Variants in MCTP1 observed in about 807,000 individuals in gnomAD.
MCTP1 encodes the protein multiple C2 and transmembrane domain containing 1, also known as multiple C2 and transmembrane domain-containing protein 1.
In MCTP1, 69 loss-of-function variants were observed where a neutral mutation model predicts 120.6. The ratio of observed to expected loss-of-function variants is 0.57; its 90% CI spans 0.47 to 0.70. MCTP1 has a LOEUF of 0.70. Among genes scored for constraint, MCTP1 ranks in the 30% least tolerant of loss-of-function variants. MCTP1 has a pLI of 0.00. For missense variants in MCTP1, 1,203 were observed against 1,248.8 expected (o/e 0.96, Z 0.55); for synonymous variants, 529 against 493.1 (o/e 1.07, Z -0.96).
intron 17 of MCTP1, among the ~76,000 whole-genome samples, chr5:94,829,412 C>T (rs1788016568): frequency 1.3e-5 from 2 of 152,176 alleles, no homozygotes; most frequent in South Asian, 2.1e-4. Context: ...TGTTCCTATT[C>T]GGCCATCTTG....
intron 19 of MCTP1, among the ~76,000 whole-genome samples, chr5:94,757,013 T>G (rs771764436): frequency 6.6e-5 from 10 of 152,210 alleles, no homozygotes; most frequent in Non-Finnish European, 1.5e-4. Flanking sequence ...AGAACTCGCT[T>G]CTAATTTCGG....
intron 1 of MCTP1, among the ~76,000 whole-genome samples, chr5:95,242,597 T>C (rs1244381853): frequency 1.3e-5 from 2 of 152,156 alleles, no homozygotes; most frequent in African/African-American, 4.8e-5. Context: ...CATGAATAAA[T>C]CTTAAAATTA....
chr5:95,131,812 T>A (rs996840685), intron 1 of MCTP1, among the ~76,000 whole-genome samples: 3 of 152,144 alleles, frequency 2.0e-5, no homozygotes, highest in African/African-American at 7.2e-5. Flanking sequence ...AATGAATAAA[T>A]ATATCTCATT....
chr5:94,987,004 A>G (rs1361041637), intron 2 of MCTP1, among the ~76,000 whole-genome samples: 1 of 152,154 alleles, frequency 6.6e-6, no homozygotes, highest in East Asian at 1.9e-4. Flanking sequence ...TAGATTACTT[A>G]CAATGCCAAA....
chr5:94,716,356 G>A (rs1759326375), intron 19 of MCTP1, among the ~76,000 whole-genome samples: 1 of 151,362 alleles, frequency 6.6e-6, no homozygotes, highest in South Asian at 2.1e-4. Context: ...TGTCATGACA[G>A]ACGTTGGTGC....
chr5:95,141,067 AG>A (rs1759893268), intron 1 of MCTP1, among the ~76,000 whole-genome samples: 1 of 152,026 alleles, frequency 6.6e-6, no homozygotes, highest in South Asian at 2.1e-4. Flanking sequence ...ACGGTAGAGG[AG>A]TTTACCTATG....
intron 10 of MCTP1, among the ~76,000 whole-genome samples, chr5:94,906,885 T>C (rs1369872756): frequency 6.6e-6 from 1 of 152,194 alleles, no homozygotes; most frequent in East Asian, 1.9e-4. Context: ...GAATAGTCTC[T>C]ACTTTCAAAA....
At chr5:94,773,050 A>G (rs1256688358) in intron 19 of MCTP1, among the ~76,000 whole-genome samples, 1 of 152,190 alleles carries the variant, frequency 6.6e-6, no homozygotes, top group Admixed American at 6.5e-5. Flanking sequence ...TGCGGACTCA[A>G]AGTGAGTGGG....
chr5:94,708,336 T>C (rs961980698), intron 22 of MCTP1, 176 bp downstream of exon 22: 3 of 481,176 alleles, frequency 6.2e-6, no homozygotes, highest in Admixed American at 6.8e-5. Context: ...CTGTAAGTGC[T>C]TCTTGGATAA....
chr5:94,813,076 T>C (rs1414894459), intron 17 of MCTP1, among the ~76,000 whole-genome samples: 4 of 152,122 alleles, frequency 2.6e-5, no homozygotes, highest in Non-Finnish European at 5.9e-5. Flanking sequence ...TTGCAAATAA[T>C]ATATCTGATT....
chr5:95,045,978 G>A (rs529734316), intron 1 of MCTP1, among the ~76,000 whole-genome samples: 50 of 152,220 alleles, frequency 3.3e-4, no homozygotes, highest in African/African-American at 1.2e-3. Context: ...AATGGGTCAT[G>A]CTTCATTGGG....
chr5:94,923,814 T>A (rs952888755), intron 7 of MCTP1, 148 bp downstream of exon 7: 4 of 513,172 alleles, frequency 7.8e-6, no homozygotes, highest in Non-Finnish European at 1.4e-5. Flanking sequence ...GTTACCTAGA[T>A]GACTTAGAAG....
At position 94,730,264 on chromosome 5, in the gene MCTP1, A is replaced by G. The variant is rs777415139; in HGVS notation, c.2611-15378T>C. Reference sequence around the variant, plus strand: ...CAGCCTTAACTTCTGGGCTCAAGCAATCCTCCCACCTCAGCCTCCTGAATA... The same window carrying G: ...CAGCCTTAACTTCTGGGCTCAAGCAGTCCTCCCACCTCAGCCTCCTGAATA... On this transcript the variant is annotated intron_variant, in intron 19 of 22. Transcript: ENST00000515393. 2.0e-5 allele frequency among the ~76,000 whole-genome samples: 3 copies of G among 152,182 alleles called. No individual in the cohort carries two copies. In the East Asian group the frequency reaches 5.8e-4, roughly 29 times the overall value.
At chr5:94,997,670 A>G (rs1028642583) in intron 2 of MCTP1, among the ~76,000 whole-genome samples, 1 of 152,196 alleles carries the variant, frequency 6.6e-6, no homozygotes, top group African/African-American at 2.4e-5. Flanking sequence ...ATCAAATGGT[A>G]CATTTGTTAT....
At chr5:94,736,080 T>C (rs919817810) in intron 19 of MCTP1, among the ~76,000 whole-genome samples, 2 of 152,216 alleles carry the variant, frequency 1.3e-5, no homozygotes, top group African/African-American at 4.8e-5. Context: ...TCTTTATCTC[T>C]AAAAGATGAT....
chr5:94,942,747 A>G (rs1305707091), intron 3 of MCTP1, among the ~76,000 whole-genome samples: 1 of 152,078 alleles, frequency 6.6e-6, no homozygotes, highest in Non-Finnish European at 1.5e-5. Flanking sequence ...TATGTCTTTC[A>G]TATTGGGCTA....
chr5:94,888,586 A>C (rs1801837211), intron 12 of MCTP1, among the ~76,000 whole-genome samples: 1 of 152,220 alleles, frequency 6.6e-6, no homozygotes, highest in South Asian at 2.1e-4. Flanking sequence ...AATACCTGGA[A>C]ATAACAATAT....
At chr5:94,908,712 A>C (rs182580109) in intron 10 of MCTP1, among the ~76,000 whole-genome samples, 180 of 152,120 alleles carry the variant, frequency 1.2e-3, no homozygotes, top group African/African-American at 4.2e-3. Context: ...GAAAAATGTC[A>C]TGTAAGCCTC....
intron 19 of MCTP1, among the ~76,000 whole-genome samples, chr5:94,725,175 C>T (rs1190118776): frequency 6.6e-6 from 1 of 152,122 alleles, no homozygotes; most frequent in Non-Finnish European, 1.5e-5. Flanking sequence ...CACTGCCTGT[C>T]CTTAGACCTC....
Sources: allele counts gnomAD v4.1 joint callset (sites outside exome capture counted in the v4.1 genomes callset), GRCh38; gene constraint gnomAD v4.1.1; transcripts MANE v1.5; gene names NCBI Gene and HGNC (gene_info 2026-07-23, HGNC 2026-07-21).